CEP76: variants seen among roughly 807,000 people sequenced by gnomAD.
CEP76 encodes centrosomal protein of 76 kDa.
CEP76 carries 55 observed loss-of-function variants against 83.3 expected under a neutral mutation model. That is an observed-to-expected ratio of 0.66 (90% CI 0.53 to 0.83). CEP76 has a LOEUF of 0.83. Ranked by LOEUF, CEP76 falls within the 40% of genes least tolerant of loss-of-function variation. The probability of loss-of-function intolerance (pLI) is 0.00; values close to 1 mark genes in which losing one functional copy is unlikely to be tolerated. For missense variants in CEP76, 694 were observed against 799.5 expected (o/e 0.87, Z 1.59); for synonymous variants, 270 against 274.5 (o/e 0.98, Z 0.16).
intron 1 of CEP76, 139 bp from the exon 2 acceptor site, chr18:12,701,252 G>T: frequency 1.6e-6 from 1 of 626,316 alleles, no homozygotes; most frequent in Non-Finnish European, 2.7e-6. Flanking sequence ...AGCTTTTAAA[G>T]AATGAATCTT....
intron 4 of CEP76, among the ~76,000 whole-genome samples, chr18:12,698,619 G>A (rs953486946): frequency 2.6e-5 from 4 of 152,114 alleles, no homozygotes; most frequent in South Asian, 4.1e-4. Flanking sequence ...ACTTTTAAAA[G>A]TTACATAACA....
chr18:12,702,433 G>A (rs374087254), intron 1 of CEP76, 53 bp downstream of exon 1: 6 of 1,408,406 alleles, frequency 4.3e-6, no homozygotes, highest in South Asian at 3.5e-5. Context: ...CCGGGCAGGA[G>A]GGAAAGGTTA....
At position 12,699,186 on chromosome 18, in the gene CEP76, G is replaced by A. The variant is rs765568214; in HGVS notation, c.313C>T (p.Arg105Trp). ...AAAACCTGAAGGTAAAGATACCTCC[G>A]TGTTGGATCAATATTAGCTGTAAAG... is the stretch of plus-strand genomic sequence containing the variant. ...TLKKTNIDPT[R>W]RYLYLQVLGG... is the part of the protein sequence containing the mutation. Residue 105 changes from arginine (R) to tryptophan (W), a missense_variant, in exon 4 of 12, where the codon CGG becomes TGG. Coordinates refer to ENST00000262127, the MANE Select transcript of CEP76 (RefSeq NM_024899.4). 7 of 1,612,036 alleles carry A rather than the reference G, an allele frequency of 4.3e-6. No homozygotes were observed. Among genetic ancestry groups the A allele is most frequent in the African/African-American group, 1.3e-5 (1 of 74,872 alleles).
In CEP76 at chr18:12,667,383, G is replaced by GGT. The variant is rs2038823867; in HGVS notation, c.*1728-5216_*1728-5215dup. Among the ~76,000 whole-genome samples, 6 of 152,206 alleles carry GGT rather than the reference G, an allele frequency of 3.9e-5. No individual in the cohort carries two copies. The South Asian group carries it at 1.0e-3, about 26-fold the overall frequency. On this transcript the variant is annotated intron_variant and NMD_transcript_variant, in intron 12 of 12. Transcript: ENST00000590143. ...GAGGCCAGAGGATCCGTTGAGCCCA[G>GGT]GTGTTCAAGGCTGCAGTGAGCTATG...
chr18:12,699,879 G>A lies in CEP76; in HGVS notation c.246C>T (p.Ser82=). 4 of 1,596,602 alleles carry A rather than the reference G, an allele frequency of 2.5e-6. No individual in the cohort carries two copies. Among genetic ancestry groups the A allele is most frequent in the Non-Finnish European group, 3.4e-6 (4 of 1,171,492 alleles). ...CAAAACAAATAGGTTGTTTTGGAGA[G>A]GAAGGGAGTTCTTGCTCAACACTGT... is the stretch of plus-strand genomic sequence containing the variant. ...VTDSVEQELP[S]SPKQPICFDR... is the part of the protein sequence containing the mutation. Residue 82 remains serine (S), a synonymous_variant, in exon 3 of 12, where the codon TCC becomes TCT. Coordinates refer to ENST00000262127, the MANE Select transcript of CEP76 (RefSeq NM_024899.4).
In CEP76 at chr18:12,678,217, T is replaced by C. The variant is rs370708558; in HGVS notation, c.1515A>G (p.Thr505=). Residue 505 remains threonine, a synonymous_variant, in exon 10 of 12, where the codon ACA becomes ACG. Transcript: ENST00000262127. ...AIKSVCAPGA[T]TSLPPFPPLC... ...GAGGTGGAAAGGGAGGAAGGGATGT[T>C]GTAGCTCCAGGAGCACACACAGATT... The C allele has an allele frequency of 2.5e-6, 4 of 1,614,042 alleles. No individual in the cohort carries two copies. The highest frequency in any genetic ancestry group is 1.7e-5 in the Admixed American group (1 of 59,982).
At chr18:12,698,910 A>T in intron 4 of CEP76, 69 bp downstream of exon 4, 1 of 1,124,736 alleles carries the variant, frequency 8.9e-7, no homozygotes, top group African/African-American at 1.6e-5. Context: ...AAAAGTCATT[A>T]TTATTGTTTC....
chr18:12,676,476 C>T (rs534907306), intron 10 of CEP76, among the ~76,000 whole-genome samples: 3 of 151,210 alleles, frequency 2.0e-5, no homozygotes, highest in East Asian at 3.9e-4. Context: ...GGTCTCACCA[C>T]GTTGCCCAGG....
intron 6 of CEP76, 75 bp from the exon 7 acceptor site, chr18:12,691,562 C>A: frequency 9.4e-7 from 1 of 1,061,354 alleles, no homozygotes. Context: ...GCAAATTTAT[C>A]TACTTCTCTA....
chr18:12,701,130 T>A lies in CEP76; in HGVS notation c.64-17A>T. Reference sequence around the variant, plus strand: ...GACATCCATCTATGTAGAAAACTCATATTACAATTTATAACATCACAAAGC... The same window carrying A: ...GACATCCATCTATGTAGAAAACTCAAATTACAATTTATAACATCACAAAGC... On this transcript the variant is annotated splice_polypyrimidine_tract_variant and intron_variant, in intron 1 of 11. Transcript: ENST00000262127. 1 of 1,593,912 alleles carries A rather than the reference T, an allele frequency of 6.3e-7. No homozygotes were observed.
At position 12,686,285 on chromosome 18, in the gene CEP76, G is replaced by GCA; in HGVS notation, c.1097_1098dup (p.Leu367CysfsTer28). ...ACCTTGTTTCTACAGAGAAAGGCCA[G>GCA]CAGAGTGCACCACTGCTCCTGTTTA... On this transcript the variant is annotated frameshift_variant, in exon 8 of 12. Transcript: ENST00000262127. LOFTEE classifies it high-confidence loss of function. 2 of 1,613,850 alleles carry GCA rather than the reference G, an allele frequency of 1.2e-6. No individual in the cohort carries two copies. Among genetic ancestry groups the GCA allele is most frequent in the Non-Finnish European group, 1.7e-6 (2 of 1,179,824 alleles).
intron 2 of CEP76, 106 bp downstream of exon 2, chr18:12,700,852 A>T: frequency 1.3e-6 from 1 of 794,434 alleles, no homozygotes; most frequent in Non-Finnish European, 2.0e-6. Flanking sequence ...ATGACCTTGA[A>T]GTGGTTTTAC....
chr18:12,692,495 G>C (rs2039804763), intron 6 of CEP76, among the ~76,000 whole-genome samples: 1 of 152,002 alleles, frequency 6.6e-6, no homozygotes. Context: ...TTTTGTTCTA[G>C]GCTGTTCCCA....
At chr18:12,689,280 A>AAAC (rs140617563) in intron 7 of CEP76, among the ~76,000 whole-genome samples, 1 of 151,792 alleles carries the variant, frequency 6.6e-6, no homozygotes, top group African/African-American at 2.4e-5. Flanking sequence ...CAAATACAGG[A>AAAC]AGCAGCAAGA....
chr18:12,680,661 C>T lies in CEP76; in HGVS notation c.1289+1G>A, dbSNP rs746026314. On this transcript the variant is annotated splice_donor_variant, in intron 9 of 11. Coordinates refer to ENST00000262127, the MANE Select transcript of CEP76 (RefSeq NM_024899.4). LOFTEE classifies it high-confidence loss of function. ...TATCCTTATAAACTTAGTAAACTAA[C>T]CTGTGTCCTGTTAAACTCTCCCAAA... The T allele has an allele frequency of 6.3e-7, 1 of 1,589,680 alleles. No individual in the cohort carries two copies. The highest frequency in any genetic ancestry group is 8.6e-7 in the Non-Finnish European group (1 of 1,163,662).
rs912095758 is a variant in CEP76, at chr18:12,673,237, A to G, written c.*128T>C. 1.7e-5 allele frequency: 24 copies of G among 1,429,036 alleles called. No homozygotes were observed. The highest frequency in any genetic ancestry group is 1.5e-5 in the African/African-American group (1 of 67,086). 88.5% of individuals were successfully genotyped at this position (1,429,036 alleles called of 1,614,324 possible). A position where few individuals can be genotyped will look rare whatever the true frequency, so the allele number is the denominator to read the frequency against. ...TTTAAACATTACCAGTCAAGTATAT[A>G]CAAAATTGAAGTATGCCATTCAAGC... is the stretch of plus-strand genomic sequence containing the variant. On this transcript the variant is annotated 3_prime_UTR_variant, in exon 12 of 12. Transcript: ENST00000262127.
chr18:12,690,948 C>CA (rs1555646011), intron 7 of CEP76, among the ~76,000 whole-genome samples: 1 of 151,346 alleles, frequency 6.6e-6, no homozygotes, highest in East Asian at 2.0e-4. Context: ...AGCCCCCCCC[C>CA]GTTCTGCACA....
At chr18:12,667,280 C>G (rs988222655) in intron 12 of CEP76, among the ~76,000 whole-genome samples, 2 of 151,962 alleles carry the variant, frequency 1.3e-5, no homozygotes, top group Non-Finnish European at 2.9e-5. Context: ...TTGAGTGAGA[C>G]CTTGTCTCTA....
chr18:12,690,171 A>G (rs180718696), intron 7 of CEP76, among the ~76,000 whole-genome samples: 4 of 152,312 alleles, frequency 2.6e-5, no homozygotes, highest in African/African-American at 7.2e-5. Context: ...CATTCAATAT[A>G]TAAACAACGC....
Sources: gnomAD v4.1 joint callset for allele counts (sites outside exome capture counted in the v4.1 genomes callset) on GRCh38, gnomAD v4.1.1 for gene constraint, MANE v1.5 for transcripts, NCBI Gene and HGNC (gene_info 2026-07-23, HGNC 2026-07-21) for gene names.